Variants in HSPA12A observed in about 807,000 individuals in gnomAD.
HSPA12A encodes heat shock protein family A (Hsp70) member 12A.
A neutral mutation model predicts 69.2 loss-of-function variants in HSPA12A; 28 were observed. The observed-to-expected ratio is 0.40, with a 90% CI of 0.30 to 0.55. HSPA12A has a LOEUF of 0.55. Ranked by LOEUF, HSPA12A falls within the 20% of genes least tolerant of loss-of-function variation. The pLI is 0.38. For synonymous variants in HSPA12A, 345 were observed against 370.5 expected, an observed-to-expected ratio of 0.93 and a Z score of 0.79; for missense variants, 686 against 900.7, an observed-to-expected ratio of 0.76 and a Z score of 3.05.
intron 1 of HSPA12A, among the ~76,000 whole-genome samples, chr10:116,716,152 G>C (rs184900695): frequency 6.6e-6 from 1 of 152,062 alleles, no homozygotes; most frequent in African/African-American, 2.4e-5. Context: ...CAGAGGAGGT[G>C]GGGGTGGGGG....
chr10:116,826,401 CGAAT>C (rs1845506279), intron 2 of HSPA12A, among the ~76,000 whole-genome samples: 6 of 152,078 alleles, frequency 3.9e-5, no homozygotes, highest in South Asian at 2.1e-4. Context: ...CTTGAATGAA[CGAAT>C]GAATGAATAA....
At chr10:116,682,896 T>C (rs1195840516) in intron 7 of HSPA12A, among the ~76,000 whole-genome samples, 5 of 142,442 alleles carry the variant, frequency 3.5e-5, no homozygotes, top group Admixed American at 3.5e-4. Context: ...TTTGTATTTT[T>C]AGTAGAGACG....
chr10:116,783,718 T>C (rs913064774), intron 2 of HSPA12A, among the ~76,000 whole-genome samples: 1 of 152,174 alleles, frequency 6.6e-6, no homozygotes, highest in Admixed American at 6.5e-5. Context: ...TACCACCATT[T>C]ATGGGTATTT....
intron 1 of HSPA12A, among the ~76,000 whole-genome samples, chr10:116,844,871 T>C (rs894740225): frequency 6.6e-6 from 1 of 152,240 alleles, no homozygotes; most frequent in African/African-American, 2.4e-5. Flanking sequence ...AATGAACAAA[T>C]ACGTCTTTAT....
intron 2 of HSPA12A, among the ~76,000 whole-genome samples, chr10:116,754,839 T>A (rs1843795668): frequency 6.6e-6 from 1 of 152,180 alleles, no homozygotes; most frequent in Non-Finnish European, 1.5e-5. Context: ...ATGGATGGAG[T>A]CATCGTAAAC....
chr10:116,729,056 T>G (rs548269227), intron 1 of HSPA12A, among the ~76,000 whole-genome samples: 9 of 152,368 alleles, frequency 5.9e-5, no homozygotes, highest in African/African-American at 2.2e-4. Context: ...CCTGGCTCTC[T>G]GGGTACCTCA....
Position 116,673,610 on chromosome 10 carries a change from A to G in HSPA12A, c.*1171T>C, listed in dbSNP as rs1350530133. 6.6e-6 allele frequency: 1 copy of G among 152,220 alleles called. No individual in the cohort carries two copies. Among genetic ancestry groups the G allele is most frequent in the Non-Finnish European group, 1.5e-5 (1 of 68,034 alleles). 9.4% of individuals were successfully genotyped at this position (152,220 alleles called of 1,614,324 possible). ...GCTCAGATCCAGGAACCTGTTCTGA[A>G]CACGCACCCAGGCAATTCTGATGCA... On this transcript the variant is annotated 3_prime_UTR_variant, in exon 12 of 12. Coordinates refer to ENST00000369209, the MANE Select transcript of HSPA12A (RefSeq NM_025015.3).
chr10:116,850,053 A>T, upstream of HSPA12A: 1 of 502,980 alleles, frequency 2.0e-6, no homozygotes, highest in Non-Finnish European at 3.6e-6. Context: ...GGGCCGGCCC[A>T]CCGCCCATGC....
chr10:116,700,982 C>G lies in HSPA12A; in HGVS notation c.402G>C (p.Leu134=), dbSNP rs1554881555. The change falls in exon 4 of 12, where the codon CTG becomes CTC. Residue 134 remains leucine (L), a synonymous_variant. Coordinates refer to ENST00000369209, the MANE Select transcript of HSPA12A (RefSeq NM_025015.3). Reference sequence around the variant, plus strand: ...GCTTCATCTTGAACTTCTCCAGGTACAGCCACTGCTTGGCCTCATTGGGAT... The same window carrying G: ...GCTTCATCTTGAACTTCTCCAGGTAGAGCCACTGCTTGGCCTCATTGGGAT... ...DLDPNEAKQW[L]YLEKFKMKLH... 8 of 1,614,014 alleles carry G rather than the reference C, an allele frequency of 5.0e-6. No individual in the cohort carries two copies. The highest frequency in any genetic ancestry group is 6.8e-6 in the Non-Finnish European group (8 of 1,180,026).
In HSPA12A at chr10:116,676,804, C is replaced by T. The variant is rs1344602480; in HGVS notation, c.1287-302G>A. Among the ~76,000 whole-genome samples the T allele has an allele frequency of 3.3e-5, 5 of 152,176 alleles. No homozygotes were observed. In the East Asian group the frequency reaches 5.8e-4, roughly 18 times the overall value. On this transcript the variant is annotated intron_variant, in intron 10 of 11. Transcript: ENST00000369209. ...GAGATAAAGGGCTCACTGTCTCTTT[C>T]GCAGGACCACACTTTGAACCCAACA... is the stretch of plus-strand genomic sequence containing the variant.
At chr10:116,806,583 C>T (rs1004322436) in intron 2 of HSPA12A, among the ~76,000 whole-genome samples, 8 of 152,174 alleles carry the variant, frequency 5.3e-5, no homozygotes, top group African/African-American at 1.9e-4. Flanking sequence ...TGCCACAGGC[C>T]ATGATATGAA....
Position 116,769,995 on chromosome 10 carries a change from G to A in HSPA12A, c.92-62710C>T, listed in dbSNP as rs1184514296. Among the ~76,000 whole-genome samples the A allele has an allele frequency of 2.6e-5, 4 of 152,200 alleles. No homozygotes were observed. In the East Asian group the frequency reaches 7.7e-4, roughly 29 times the overall value. The stretch of plus-strand genomic sequence containing the variant: ...GGCTGCAAGAAGCGATGACGCCACA[G>A]AGCTCCAAGGTCATTTGGGCCATTC... On this transcript the variant is annotated intron_variant, in intron 2 of 12. Coordinates refer to the HSPA12A transcript ENST00000635765.
chr10:116,739,518 GA>G (rs1208017453), intron 1 of HSPA12A, among the ~76,000 whole-genome samples: 1 of 152,028 alleles, frequency 6.6e-6, no homozygotes, highest in Non-Finnish European at 1.5e-5. Flanking sequence ...CCGTGCCCTG[GA>G]AAAAATGACT....
intron 2 of HSPA12A, among the ~76,000 whole-genome samples, chr10:116,753,094 C>T (rs1589686008): frequency 1.3e-5 from 2 of 152,234 alleles, no homozygotes; most frequent in South Asian, 2.1e-4. Flanking sequence ...ATGTTGGCCA[C>T]GTGTGGGAAG....
intron 2 of HSPA12A, among the ~76,000 whole-genome samples, chr10:116,751,716 G>A (rs1333265372): frequency 6.6e-6 from 1 of 152,178 alleles, no homozygotes; most frequent in Non-Finnish European, 1.5e-5. Context: ...GTTGAAATGT[G>A]ACTCCCAATG....
intron 2 of HSPA12A, among the ~76,000 whole-genome samples, chr10:116,794,619 C>A (rs929243041): frequency 6.6e-6 from 1 of 152,162 alleles, no homozygotes. Flanking sequence ...TCGAGACCAG[C>A]CTGGCCAACA....
intron 2 of HSPA12A, among the ~76,000 whole-genome samples, chr10:116,759,772 C>T (rs1205304161): frequency 6.6e-6 from 1 of 152,074 alleles, no homozygotes; most frequent in East Asian, 1.9e-4. Context: ...CCCACAATTC[C>T]CACATGTTGT....
chr10:116,787,556 T>C (rs1268510600), intron 2 of HSPA12A, among the ~76,000 whole-genome samples: 1 of 151,968 alleles, frequency 6.6e-6, no homozygotes, highest in Non-Finnish European at 1.5e-5. Flanking sequence ...GTTTTGAACG[T>C]ACAGGCGTCT....
intron 2 of HSPA12A, among the ~76,000 whole-genome samples, chr10:116,754,267 T>A (rs1327732000): frequency 6.6e-6 from 1 of 152,158 alleles, no homozygotes; most frequent in Admixed American, 6.5e-5. Context: ...CCATCCCCCC[T>A]CAGCTCACTG....
Sources: gnomAD v4.1 joint callset for allele counts (sites outside exome capture counted in the v4.1 genomes callset) on GRCh38, gnomAD v4.1.1 for gene constraint, MANE v1.5 for transcripts, NCBI Gene and HGNC (gene_info 2026-07-23, HGNC 2026-07-21) for gene names.